Variants in CAMSAP1 observed in about 807,000 individuals in gnomAD.
CAMSAP1 encodes the protein calmodulin regulated spectrin associated protein 1.
Under a neutral mutation model 143.5 loss-of-function variants are expected in CAMSAP1, and 58 were observed. That is an observed-to-expected ratio of 0.40 (90% confidence interval 0.33 to 0.50). The LOEUF (loss-of-function observed/expected upper bound fraction) is 0.50, where lower values mean the gene tolerates loss of function less well. CAMSAP1 is among the 20% of genes least tolerant of loss of function. The pLI is 0.45. For missense variants in CAMSAP1, 1,969 were observed against 2,115.7 expected (o/e 0.93, Z 1.36); for synonymous variants, 945 against 859.3 (o/e 1.10, Z -1.74).
intron 5 of CAMSAP1, among the ~76,000 whole-genome samples, chr9:135,851,875 G>A (rs1021312316): frequency 6.6e-6 from 1 of 152,184 alleles, no homozygotes; most frequent in Admixed American, 6.5e-5. Context: ...GACGGGTGTT[G>A]CCCAGGCATA....
chr9:135,900,500 C>G (rs1326049585), intron 1 of CAMSAP1, among the ~76,000 whole-genome samples: 2 of 151,754 alleles, frequency 1.3e-5, no homozygotes, highest in African/African-American at 4.8e-5. Flanking sequence ...GAGACCATCC[C>G]GGCTAACATG....
rs1486034842 is a variant in CAMSAP1, at chr9:135,823,133, T to C, written c.1528A>G (p.Asn510Asp). The C allele has an allele frequency of 6.2e-7, 1 of 1,613,602 alleles. No homozygotes were observed. Among genetic ancestry groups the C allele is most frequent in the Middle Eastern group, 1.6e-4 (1 of 6,080 alleles). The change falls in exon 11 of 17, where the codon AAT becomes GAT. Residue 510 changes from asparagine to aspartate, a missense_variant. Transcript: ENST00000389532. The stretch of plus-strand genomic sequence containing the variant: ...TGTGGCTGGTTCTGTGGGGTCAGAT[T>C]AACAATGTTGGATGCCAAACTGTCT... ...SKDSLASNIV[N>D]LTPQNQPHPT...
intron 7 of CAMSAP1, among the ~76,000 whole-genome samples, chr9:135,848,320 ATTCT>A (rs1836650434): frequency 6.6e-6 from 1 of 152,104 alleles, no homozygotes; most frequent in African/African-American, 2.4e-5. Context: ...TTTTGTCGTT[ATTCT>A]TTCTTATTGT....
intron 7 of CAMSAP1, among the ~76,000 whole-genome samples, chr9:135,833,078 CTTTTTTTT>C (rs56081448): frequency 4.1e-5 from 4 of 96,532 alleles, no homozygotes; most frequent in Non-Finnish European, 6.1e-5. Context: ...CCACAGTAAT[CTTTTTTTT>C]TTTTTTTTTT....
rs1018300965 is a variant in CAMSAP1 at position 135,824,722 on chromosome 9, G to A, written c.1315+67C>T. On this transcript the variant is annotated intron_variant, in intron 9 of 16. Coordinates refer to ENST00000389532, the MANE Select transcript of CAMSAP1 (RefSeq NM_015447.4). This position sits in a 1 kb window ranked among gnomAD's most constrained non-coding sequence, Gnocchi z 4.1. ...ATCAGATAAAATGATTTAATTTTGAGAAATATGATTTTACTAATCTATAGT... is the reference window on the plus strand; with the variant it reads ...ATCAGATAAAATGATTTAATTTTGAAAAATATGATTTTACTAATCTATAGT... 24 of 1,133,892 alleles carry A rather than the reference G, an allele frequency of 2.1e-5. No homozygotes were observed. The highest frequency in any genetic ancestry group is 3.0e-5 in the Non-Finnish European group (24 of 806,736). The allele number at this position is 1,133,892 out of a possible 1,614,324, so 70.2% of individuals were successfully genotyped here.
chr9:135,870,136 C>T (rs1458369940), intron 3 of CAMSAP1, among the ~76,000 whole-genome samples: 6 of 152,214 alleles, frequency 3.9e-5, no homozygotes, highest in Non-Finnish European at 2.9e-5. Flanking sequence ...TCTGTGTCCC[C>T]ACCCAAATCT....
intron 7 of CAMSAP1, among the ~76,000 whole-genome samples, chr9:135,840,627 A>G (rs949790349): frequency 2.0e-5 from 3 of 152,210 alleles, no homozygotes; most frequent in African/African-American, 7.2e-5. Flanking sequence ...AGCAAGATCA[A>G]CACAGAAGGC....
chr9:135,885,096 G>A (rs964305120), intron 1 of CAMSAP1, among the ~76,000 whole-genome samples: 30 of 152,220 alleles, frequency 2.0e-4, no homozygotes, highest in African/African-American at 6.5e-4. Context: ...TTCTCCTTTC[G>A]GGGTACCTGG....
chr9:135,814,289 AAACC>A (rs1835151619), intron 16 of CAMSAP1, among the ~76,000 whole-genome samples: 1 of 152,238 alleles, frequency 6.6e-6, no homozygotes, highest in Non-Finnish European at 1.5e-5. Flanking sequence ...TTTTACAACT[AAACC>A]AACTAAGGAC....
Position 135,813,017 on chromosome 9 carries a change from T to C in CAMSAP1, c.4507-1406A>G, listed in dbSNP as rs140695955. Reference sequence around the variant, plus strand: ...CTGCTGATGCCTGTCGCCGCGTTTGTTGATTGTATTTTAAAGTTTAAAACG... The same window carrying C: ...CTGCTGATGCCTGTCGCCGCGTTTGCTGATTGTATTTTAAAGTTTAAAACG... On this transcript the variant is annotated intron_variant, in intron 16 of 16. Transcript: ENST00000389532. Among the ~76,000 whole-genome samples the C allele has an allele frequency of 6.3e-3, 965 of 152,250 alleles. 3 individuals carry two copies. The highest frequency in any genetic ancestry group is 0.02 in the Middle Eastern group (6 of 294).
chr9:135,900,935 G>A (rs557076947), intron 1 of CAMSAP1, among the ~76,000 whole-genome samples: 1 of 151,952 alleles, frequency 6.6e-6, no homozygotes, highest in South Asian at 2.1e-4. Flanking sequence ...TGTATTTTTA[G>A]TAGAGACGGG....
intron 7 of CAMSAP1, among the ~76,000 whole-genome samples, chr9:135,834,211 C>T (rs1018946238): frequency 6.6e-6 from 1 of 152,106 alleles, no homozygotes; most frequent in Non-Finnish European, 1.5e-5. Flanking sequence ...GGTGGGAACA[C>T]AAATTGGTAT....
chr9:135,856,891 C>T (rs1836998115), intron 5 of CAMSAP1, among the ~76,000 whole-genome samples: 1 of 152,260 alleles, frequency 6.6e-6, no homozygotes, highest in Non-Finnish European at 1.5e-5. Flanking sequence ...CATGGGAAGG[C>T]TGGCACTGTG....
At chr9:135,904,139 G>A (rs1337727949) in intron 1 of CAMSAP1, among the ~76,000 whole-genome samples, 3 of 151,808 alleles carry the variant, frequency 2.0e-5, no homozygotes, top group Admixed American at 6.6e-5. Flanking sequence ...AGGCCGAGGC[G>A]GGCAGATCAC....
At position 135,823,245 on chromosome 9, in the gene CAMSAP1, T is replaced by C; in HGVS notation, c.1416A>G (p.Pro472=). 6.4e-7 allele frequency: 1 copy of C among 1,551,228 alleles called. No homozygotes were observed. The highest frequency in any genetic ancestry group is 8.7e-7 in the Non-Finnish European group (1 of 1,147,768). Residue 472 remains proline, a synonymous_variant, in exon 11 of 17, where the codon CCA becomes CCG. Transcript: ENST00000389532. ...PEKKTRPASQ[P]TPFALHHAAS... ...CAGCGTGATGTAGAGCAAAAGGTGT[T>C]GGCTGGGACGCAGGCCTGAAACACA...
chr9:135,894,339 T>G (rs191432314), intron 1 of CAMSAP1, among the ~76,000 whole-genome samples: 2 of 152,098 alleles, frequency 1.3e-5, no homozygotes. Context: ...CTCTCCCCAC[T>G]GAGGGAAGCC....
chr9:135,841,357 C>T (rs1836342628), intron 7 of CAMSAP1, among the ~76,000 whole-genome samples: 1 of 152,204 alleles, frequency 6.6e-6, no homozygotes, highest in Non-Finnish European at 1.5e-5. Context: ...TAGTCAGGGG[C>T]TTATACATAA....
chr9:135,843,942 C>T (rs1564435282), intron 7 of CAMSAP1, among the ~76,000 whole-genome samples: 1 of 151,206 alleles, frequency 6.6e-6, no homozygotes, highest in Non-Finnish European at 1.5e-5. Context: ...TAGAGGAGCA[C>T]CCAGATTCAT....
In CAMSAP1 at chr9:135,824,501, C is replaced by G. The variant is rs1022499630; in HGVS notation, c.1315+288G>C. Among the ~76,000 whole-genome samples, 1 of 152,106 alleles carries G rather than the reference C, an allele frequency of 6.6e-6. No individual in the cohort carries two copies. Among genetic ancestry groups the G allele is most frequent in the Non-Finnish European group, 1.5e-5 (1 of 68,028 alleles). On this transcript the variant is annotated intron_variant, in intron 9 of 16. Coordinates refer to ENST00000389532, the MANE Select transcript of CAMSAP1 (RefSeq NM_015447.4). The surrounding 1 kb of genome is among the most constrained non-coding windows in gnomAD (Gnocchi z 4.1). ...CCGACATGATGAAACCCTGTCTCTA[C>G]TAAAAATACAAAAATTAACTGAGCA...
Sources: gnomAD v4.1 joint callset for allele counts (sites outside exome capture counted in the v4.1 genomes callset) on GRCh38, gnomAD v4.1.1 for gene constraint, Gnocchi (gnomAD v3.1) non-coding constraint, MANE v1.5 for transcripts, NCBI Gene and HGNC (gene_info 2026-07-23, HGNC 2026-07-21) for gene names.